Variants in USP34 observed in about 807,000 individuals in gnomAD.
The protein encoded by USP34 is ubiquitin carboxyl-terminal hydrolase 34.
USP34 carries 70 observed loss-of-function variants against 460.3 expected under a neutral mutation model. The observed-to-expected ratio is 0.15, with a 90% CI of 0.13 to 0.19. The LOEUF (loss-of-function observed/expected upper bound fraction) is 0.19. Ranked by LOEUF, USP34 falls within the 10% of genes least tolerant of loss-of-function variation. USP34 has a pLI of 1.00. For missense variants in USP34, 3,985 were observed against 4,236.2 expected, an observed-to-expected ratio of 0.94 and a Z score of 1.65; for synonymous variants, 1,647 against 1,405.3, an observed-to-expected ratio of 1.17 and a Z score of -3.85.
At chr2:61,329,516 T>C (rs1474293996) in intron 20 of USP34, among the ~76,000 whole-genome samples, 1 of 152,086 alleles carries the variant, frequency 6.6e-6, no homozygotes, top group African/African-American at 2.4e-5. Flanking sequence ...ATACAGTAAA[T>C]AGAAATACCC....
At chr2:61,226,841 CAT>C (rs1687743204) in intron 62 of USP34, 4 of 467,898 alleles carry the variant, frequency 8.5e-6, no homozygotes, top group Non-Finnish European at 7.1e-6. Flanking sequence ...TAACACGACT[CAT>C]AGATGAAGTA....
intron 12 of USP34, 84 bp downstream of exon 12, chr2:61,350,176 G>C: frequency 7.2e-7 from 1 of 1,379,930 alleles, no homozygotes; most frequent in Non-Finnish European, 9.9e-7. Context: ...AATAAAGATT[G>C]AACTGAATGT....
At chr2:61,294,330 A>G (rs1396278619) in intron 32 of USP34, among the ~76,000 whole-genome samples, 1 of 146,940 alleles carries the variant, frequency 6.8e-6, no homozygotes, top group Non-Finnish European at 1.5e-5. Context: ...TGGGTGACAG[A>G]GCGAGACTCC....
At chr2:61,457,521 G>T (rs1325915935) in intron 1 of USP34, among the ~76,000 whole-genome samples, 1 of 152,192 alleles carries the variant, frequency 6.6e-6, no homozygotes, top group East Asian at 1.9e-4. Context: ...AGTTTAAAAA[G>T]AATAATAATT....
chr2:61,361,394 C>T (rs1430564514), intron 10 of USP34, among the ~76,000 whole-genome samples: 1 of 152,194 alleles, frequency 6.6e-6, no homozygotes, highest in Admixed American at 6.5e-5. Context: ...TGCACTCCAA[C>T]CTGGACAACA....
rs757971124 is a variant in USP34 at position 61,214,164 on chromosome 2, G to T, written c.8578C>A (p.Leu2860Ile). The change falls in exon 68 of 80, where the codon CTC (leucine) becomes ATC (isoleucine). Residue 2860 changes from leucine to isoleucine, a missense_variant. Physicochemically the swap from Leu to Ile is conservative, Grantham distance 5 (BLOSUM62 2). Transcript: ENST00000398571. Reference sequence around the variant, plus strand: ...AATGCAGGAGACTGCTCACAGCAGAGCCTCAGAATGCCATAGTACGCTGGC... The same window carrying T: ...AATGCAGGAGACTGCTCACAGCAGATCCTCAGAATGCCATAGTACGCTGGC... ...MLPAYYGILR[L>I]CCEQSPAFTR... 1 of 1,614,242 alleles carries T rather than the reference G, an allele frequency of 6.2e-7. No homozygotes were observed. Among genetic ancestry groups the T allele is most frequent in the South Asian group, 1.1e-5 (1 of 91,086 alleles).
At position 61,188,434 on chromosome 2, in the gene USP34, C is replaced by G. The variant is rs753614529; in HGVS notation, c.10309G>C (p.Glu3437Gln). The G allele has an allele frequency of 1.9e-6, 3 of 1,612,812 alleles. No individual in the cohort carries two copies. The highest frequency in any genetic ancestry group is 2.5e-6 in the Non-Finnish European group (3 of 1,178,744). ...MSNIRSQHAE[E>Q]QSNNGRYDDC... ...TCATATCTACCATTGTTGGACTGTT[C>G]TTCTGCATGCTGTGACCTGATATTT... Residue 3437 changes from glutamate to glutamine, a missense_variant, in exon 80 of 80, where the codon GAA becomes CAA. Physicochemically the swap from Glu to Gln is conservative, Grantham distance 29 (BLOSUM62 2). Coordinates refer to ENST00000398571, the MANE Select transcript of USP34 (RefSeq NM_014709.4).
At chr2:61,255,005 G>A (rs570935753) in intron 48 of USP34, among the ~76,000 whole-genome samples, 1 of 152,104 alleles carries the variant, frequency 6.6e-6, no homozygotes, top group Non-Finnish European at 1.5e-5. Flanking sequence ...GCCACGTCTG[G>A]CTAATTTCTA....
In USP34 at chr2:61,333,854, T is replaced by C. The variant is rs115360049; in HGVS notation, c.2834+28A>G. On this transcript the variant is annotated intron_variant, in intron 19 of 79. Transcript: ENST00000398571. The stretch of plus-strand genomic sequence containing the variant: ...TATAATTAGAAAAAAATCTTTAAAA[T>C]AAATACTTTTTTCTTTTATTTACTT... The C allele has an allele frequency of 9.0e-5, 128 of 1,419,474 alleles. No homozygotes were observed. In the African/African-American group the frequency reaches 1.8e-3, roughly 20 times the overall value. 87.9% of individuals were successfully genotyped at this position (1,419,474 alleles called of 1,614,324 possible).
chr2:61,221,752 A>G, intron 65 of USP34, 146 bp from the exon 66 acceptor site: 1 of 641,128 alleles, frequency 1.6e-6, no homozygotes. Flanking sequence ...TGTGAACCTG[A>G]ACTACCATAA....
chr2:61,424,066 C>T (rs1694440555), intron 1 of USP34, among the ~76,000 whole-genome samples: 1 of 152,186 alleles, frequency 6.6e-6, no homozygotes, highest in African/African-American at 2.4e-5. Flanking sequence ...CTGTGGAAAA[C>T]AGTATGACAG....
chr2:61,396,383 T>C (rs183509177), intron 3 of USP34, among the ~76,000 whole-genome samples: 91 of 152,300 alleles, frequency 6.0e-4, no homozygotes, highest in Middle Eastern at 3.4e-3. Context: ...GAACTAATCA[T>C]ACTAGTACTG....
intron 3 of USP34, among the ~76,000 whole-genome samples, chr2:61,403,144 G>A (rs779347862): frequency 1.3e-4 from 19 of 151,902 alleles, no homozygotes; most frequent in Admixed American, 6.6e-5. Flanking sequence ...AATTTTCCTC[G>A]AAGACCTCAA....
chr2:61,430,334 G>A (rs1694633333), intron 1 of USP34, among the ~76,000 whole-genome samples: 1 of 152,226 alleles, frequency 6.6e-6, no homozygotes, highest in Non-Finnish European at 1.5e-5. Context: ...AACCCAGGAG[G>A]CAGAGGTTGC....
chr2:61,414,147 C>T (rs867242099), intron 2 of USP34, among the ~76,000 whole-genome samples: 3 of 151,886 alleles, frequency 2.0e-5, no homozygotes, highest in African/African-American at 4.8e-5. Flanking sequence ...CCCAGCTACT[C>T]GGGAGGCTGA....
intron 1 of USP34, among the ~76,000 whole-genome samples, chr2:61,428,851 G>A (rs1253223304): frequency 6.6e-6 from 1 of 152,144 alleles, no homozygotes; most frequent in Non-Finnish European, 1.5e-5. Context: ...TATTGAAACA[G>A]TAACAATAAC....
chr2:61,332,368 T>C (rs1572942082), intron 19 of USP34, among the ~76,000 whole-genome samples: 1 of 152,048 alleles, frequency 6.6e-6, no homozygotes, highest in African/African-American at 2.4e-5. Context: ...GTTTATGAGA[T>C]TTAGGATACC....
intron 72 of USP34, 116 bp downstream of exon 72, chr2:61,205,901 T>C (rs2103773972): frequency 6.9e-6 from 5 of 722,178 alleles, no homozygotes; most frequent in Non-Finnish European, 1.2e-5. Context: ...CTAGTGTGAG[T>C]TACACATAAA....
At chr2:61,398,004 G>T (rs530663742) in intron 3 of USP34, among the ~76,000 whole-genome samples, 25 of 152,156 alleles carry the variant, frequency 1.6e-4, no homozygotes, top group African/African-American at 5.8e-4. Flanking sequence ...TTGGGGGAGG[G>T]GGGTTGCAGT....
Sources: gnomAD v4.1 joint callset for allele counts (sites outside exome capture counted in the v4.1 genomes callset) on GRCh38, gnomAD v4.1.1 for gene constraint, MANE v1.5 for transcripts, NCBI Gene and HGNC (gene_info 2026-07-23, HGNC 2026-07-21) for gene names.